The following SOX5 variants were observed in gnomAD, a reference collection of about 807,000 sequenced individuals.
SOX5 encodes the protein SRY-box transcription factor 5.
In SOX5, 9 loss-of-function variants were observed where a neutral mutation model predicts 92.0. The ratio of observed to expected loss-of-function variants is 0.10; its 90% CI spans 0.06 to 0.17. The LOEUF is 0.17. Among genes scored for constraint, SOX5 ranks in the 10% least tolerant of loss-of-function variants. The probability of loss-of-function intolerance (pLI) is 1.00; values close to 1 mark genes in which losing one functional copy is unlikely to be tolerated. For missense variants in SOX5, 642 were observed against 944.5 expected (o/e 0.68, Z 4.20); for synonymous variants, 344 against 336.3 (o/e 1.02, Z -0.25).
At chr12:23,538,773 A>G (rs1941198027) in intron 13 of SOX5, among the ~76,000 whole-genome samples, 1 of 151,102 alleles carries the variant, frequency 6.6e-6, no homozygotes, top group Non-Finnish European at 1.5e-5. Flanking sequence ...CTTTATCCCA[A>G]AATTCGAAAA....
intron 9 of SOX5, 84 bp from the exon 10 acceptor site, chr12:23,575,922 T>A: frequency 3.9e-6 from 4 of 1,013,396 alleles, no homozygotes; most frequent in Non-Finnish European, 5.8e-6. Flanking sequence ...CAGCCTGTCA[T>A]TTCCCATCAA....
intron 1 of SOX5, among the ~76,000 whole-genome samples, chr12:23,907,192 G>A (rs1839263302): frequency 6.6e-6 from 1 of 152,102 alleles, no homozygotes; most frequent in Admixed American, 6.6e-5. Context: ...GTGTGTATGT[G>A]TGCACACGTG....
chr12:24,105,947 T>C (rs1036277207), intron 4 of SOX5, among the ~76,000 whole-genome samples: 1 of 152,288 alleles, frequency 6.6e-6, no homozygotes, highest in Non-Finnish European at 1.5e-5. Context: ...CCTAATACTT[T>C]AGAATATCTT....
At chr12:24,499,398 A>G (rs78896558) in intron 1 of SOX5, among the ~76,000 whole-genome samples, 3 of 152,238 alleles carry the variant, frequency 2.0e-5, no homozygotes, top group Admixed American at 6.5e-5. Flanking sequence ...ACTTTGAAAA[A>G]GATGTGGCAA....
At chr12:23,942,494 A>C (rs567305063) in intron 1 of SOX5, among the ~76,000 whole-genome samples, 61 of 151,926 alleles carry the variant, frequency 4.0e-4, no homozygotes, top group Non-Finnish European at 8.0e-4. Flanking sequence ...CTACACTAAG[A>C]AATTAACAAC....
chr12:23,672,157 C>T (rs2084893450), intron 6 of SOX5, among the ~76,000 whole-genome samples: 1 of 152,082 alleles, frequency 6.6e-6, no homozygotes, highest in Non-Finnish European at 1.5e-5. Context: ...ACTTTTGTCC[C>T]ATTGCAAGTG....
At chr12:23,611,322 A>AT (rs1041975883) in intron 8 of SOX5, among the ~76,000 whole-genome samples, 3 of 148,176 alleles carry the variant, frequency 2.0e-5, no homozygotes, top group South Asian at 2.1e-4. Context: ...AAATAACAGG[A>AT]TTTTTTTTTC....
intron 9 of SOX5, among the ~76,000 whole-genome samples, chr12:23,581,901 T>A (rs1386366762): frequency 1.3e-5 from 2 of 151,584 alleles, no homozygotes; most frequent in Non-Finnish European, 2.9e-5. Flanking sequence ...AAAATATATA[T>A]ATATATATGT....
At chr12:24,350,579 A>C (rs1953946995) in intron 2 of SOX5, among the ~76,000 whole-genome samples, 1 of 152,156 alleles carries the variant, frequency 6.6e-6, no homozygotes, top group Non-Finnish European at 1.5e-5. Flanking sequence ...CCTGGGCTCA[A>C]GCGAGCCTCC....
chr12:24,412,158 C>T (rs78548789), intron 1 of SOX5, among the ~76,000 whole-genome samples: 4,611 of 152,122 alleles, frequency 0.03, 102 homozygotes, highest in Admixed American at 0.043. Context: ...GTATCGATTA[C>T]TGATATCGAT....
intron 1 of SOX5, among the ~76,000 whole-genome samples, chr12:24,388,752 C>T (rs1958675571): frequency 6.6e-6 from 1 of 152,266 alleles, no homozygotes; most frequent in Non-Finnish European, 1.5e-5. Flanking sequence ...GCCCCATCAG[C>T]AGTCATTCCC....
intron 3 of SOX5, among the ~76,000 whole-genome samples, chr12:24,252,509 A>G (rs1168232538): frequency 6.6e-6 from 1 of 152,146 alleles, no homozygotes; most frequent in East Asian, 1.9e-4. Flanking sequence ...AAGGCCAAAA[A>G]AAAAAAGTTA....
At chr12:23,720,914 T>C (rs1478312338) in intron 6 of SOX5, among the ~76,000 whole-genome samples, 1 of 152,126 alleles carries the variant, frequency 6.6e-6, no homozygotes, top group Non-Finnish European at 1.5e-5. Context: ...TTAATATGAT[T>C]AACCAGAACT....
intron 11 of SOX5, among the ~76,000 whole-genome samples, chr12:23,562,266 A>G (rs1190518326): frequency 6.6e-6 from 1 of 152,134 alleles, no homozygotes; most frequent in East Asian, 1.9e-4. Context: ...TTTTTATCAT[A>G]TTAGGACCAG....
intron 8 of SOX5, among the ~76,000 whole-genome samples, chr12:23,606,895 T>C (rs2075321332): frequency 6.6e-6 from 1 of 152,038 alleles, no homozygotes; most frequent in East Asian, 1.9e-4. Context: ...ATAGACCCAG[T>C]TGAATATGCA....
rs764767423 is a variant in SOX5, at chr12:23,895,884, T to C, written c.179A>G (p.Asn60Ser). The C allele has an allele frequency of 4.3e-6, 7 of 1,614,064 alleles. No homozygotes were observed. The Admixed American group carries it at 5.0e-5, about 12-fold the overall frequency. Residue 60 changes from asparagine to serine, a missense_variant, in exon 2 of 15, where the codon AAC (asparagine) becomes AGC (serine). This residue lies in a region of SOX5 where 113 missense variants were observed against 117.7 expected (regional missense o/e 0.96). Transcript: ENST00000451604. The part of the protein sequence containing the change: ...FHLPLHVSFP[N>S]KPHSEEFQPV... ...CTGAAATTCCTCAGAGTGAGGCTTG[T>C]TGGGAAAACTCACATGCAAGGGAAG...
At chr12:24,104,994 T>C (rs1043586514) in intron 4 of SOX5, among the ~76,000 whole-genome samples, 2 of 152,204 alleles carry the variant, frequency 1.3e-5, no homozygotes, top group African/African-American at 4.8e-5. Context: ...TAAGTCTCTA[T>C]ATAAAAAGAA....
intron 3 of SOX5, among the ~76,000 whole-genome samples, chr12:23,801,112 C>G (rs1372441366): frequency 6.6e-6 from 1 of 152,172 alleles, no homozygotes; most frequent in Non-Finnish European, 1.5e-5. Context: ...AGTCTTGTTA[C>G]TTGTCTGTCC....
chr12:24,145,588 C>T (rs1038719223), intron 4 of SOX5, among the ~76,000 whole-genome samples: 12 of 152,264 alleles, frequency 7.9e-5, no homozygotes, highest in Middle Eastern at 3.4e-3. Flanking sequence ...CCTCAACCTC[C>T]CAGGCTCAAG....
Sources: allele counts gnomAD v4.1 joint callset (sites outside exome capture counted in the v4.1 genomes callset), GRCh38; gene constraint gnomAD v4.1.1; regional missense constraint gnomAD v4.1.1; transcripts MANE v1.5; gene names NCBI Gene and HGNC (gene_info 2026-07-23, HGNC 2026-07-21).